SLC36A1: variants seen among roughly 807,000 people sequenced by gnomAD.
SLC36A1 encodes the protein proton-coupled amino acid transporter 1.
A neutral mutation model predicts 47.5 loss-of-function variants in SLC36A1; 30 were observed. The observed-to-expected ratio is 0.63, with a 90% CI of 0.47 to 0.86. The LOEUF is 0.86. Among genes scored for constraint, SLC36A1 ranks in the 40% least tolerant of loss-of-function variants. The pLI is 0.00. For missense variants in SLC36A1, 517 were observed against 606.0 expected, an observed-to-expected ratio of 0.85 and a Z score of 1.54; for synonymous variants, 255 against 249.7, an observed-to-expected ratio of 1.02 and a Z score of -0.20.
At chr5:151,528,967 G>A in the SLC36A1 span, among the ~76,000 whole-genome samples, 1 of 152,020 alleles carries the variant, frequency 6.6e-6, no homozygotes, top group African/African-American at 2.4e-5. Flanking sequence ...TTATCATATG[G>A]CTCTGAGACA....
the SLC36A1 span, among the ~76,000 whole-genome samples, chr5:151,372,543 A>G: frequency 6.6e-6 from 1 of 152,096 alleles, no homozygotes; most frequent in African/African-American, 2.4e-5. Context: ...TCCTGGGCTC[A>G]ACTGATCCTC....
At chr5:151,479,776 T>G (rs1758568453) in intron 10 of SLC36A1, 2 of 526,126 alleles carry the variant, frequency 3.8e-6, no homozygotes, top group East Asian at 6.0e-5. Flanking sequence ...ATGCGATTAC[T>G]ATCCCATATT....
the SLC36A1 span, among the ~76,000 whole-genome samples, chr5:151,415,127 C>T: frequency 4.6e-5 from 7 of 152,204 alleles, no homozygotes; most frequent in Non-Finnish European, 1.0e-4. Flanking sequence ...TTGACTTTGA[C>T]ACTGAATACT....
intron 1 of SLC36A1, among the ~76,000 whole-genome samples, chr5:151,451,610 G>T (rs1305063274): frequency 1.3e-5 from 2 of 152,100 alleles, no homozygotes; most frequent in Non-Finnish European, 2.9e-5. Context: ...ATTAATGAGG[G>T]TTTATTATGT....
chr5:151,433,713 C>G (rs1759603231), upstream of SLC36A1, among the ~76,000 whole-genome samples: 1 of 152,082 alleles, frequency 6.6e-6, no homozygotes. Context: ...GAGTGGAATG[C>G]AGCTACAGCT....
the SLC36A1 span, among the ~76,000 whole-genome samples, chr5:151,538,524 G>C: frequency 5.3e-5 from 8 of 152,300 alleles, no homozygotes; most frequent in East Asian, 1.4e-3. Flanking sequence ...GCATCTGAGG[G>C]AGTGGCAGAG....
chr5:151,386,594 G>A, the SLC36A1 span, among the ~76,000 whole-genome samples: 5 of 152,144 alleles, frequency 3.3e-5, no homozygotes, highest in South Asian at 1.0e-3. Context: ...CACTGCATGG[G>A]TGTCTTGGTG....
the SLC36A1 span, among the ~76,000 whole-genome samples, chr5:151,410,973 C>A: frequency 6.9e-6 from 1 of 144,582 alleles, no homozygotes. Context: ...AAGTCATTTC[C>A]AATTAAGAAC....
At chr5:151,544,828 C>T in the SLC36A1 span, 2 of 1,614,230 alleles carry the variant, frequency 1.2e-6, no homozygotes, top group Non-Finnish European at 1.7e-6. Flanking sequence ...CCCATTTGTC[C>T]CCAAGTCCTC....
At chr5:151,505,718 AC>A in the SLC36A1 span, 1 of 1,613,510 alleles carries the variant, frequency 6.2e-7, no homozygotes, top group Non-Finnish European at 8.5e-7. Flanking sequence ...TGAGGCGCAT[AC>A]CCACCCCCTT....
chr5:151,345,471 G>A, the SLC36A1 span, among the ~76,000 whole-genome samples: 10 of 152,162 alleles, frequency 6.6e-5, no homozygotes, highest in Non-Finnish European at 1.3e-4. Flanking sequence ...GGCTCAGGAA[G>A]CTTCATATTG....
At chr5:151,531,927 T>A in the SLC36A1 span, 1 of 1,614,206 alleles carries the variant, frequency 6.2e-7, no homozygotes, top group East Asian at 2.2e-5. The surrounding 1 kb of genome is among the most constrained non-coding windows in gnomAD (Gnocchi z 5.7). Context: ...AAAAGTGGCC[T>A]TCGGCTGAAT....
At chr5:151,427,955 A>G in the SLC36A1 span, among the ~76,000 whole-genome samples, 1 of 152,146 alleles carries the variant, frequency 6.6e-6, no homozygotes, top group Admixed American at 6.5e-5. Context: ...GAAGGTCAAA[A>G]TGGGTGTCCA....
chr5:151,405,566 A>T, the SLC36A1 span, among the ~76,000 whole-genome samples: 1 of 152,074 alleles, frequency 6.6e-6, no homozygotes, highest in Non-Finnish European at 1.5e-5. Context: ...CATCTCAGAC[A>T]TTTTAATCTA....
the SLC36A1 span, among the ~76,000 whole-genome samples, chr5:151,430,233 T>C: frequency 2.0e-5 from 3 of 151,476 alleles, no homozygotes; most frequent in African/African-American, 7.3e-5. Flanking sequence ...GGCATGATCT[T>C]GACTCAGTGC....
chr5:151,507,619 G>A, the SLC36A1 span: 2 of 1,470,738 alleles, frequency 1.4e-6, no homozygotes, highest in Non-Finnish European at 1.8e-6. Flanking sequence ...CACCTGCGGA[G>A]ACAGAGTAGT....
the SLC36A1 span, among the ~76,000 whole-genome samples, chr5:151,535,546 G>A: frequency 9.9e-5 from 15 of 152,128 alleles, 1 homozygote; most frequent in East Asian, 5.8e-4. Flanking sequence ...CTCATGCCTC[G>A]CCCTACACCT....
At chr5:151,529,041 C>T in the SLC36A1 span, 1 of 709,214 alleles carries the variant, frequency 1.4e-6, no homozygotes, top group South Asian at 1.8e-5. Context: ...ACATAAACCT[C>T]TGACAAGTCA....
Position 151,464,534 on chromosome 5 carries a change from G to A in SLC36A1, c.255G>A (p.Leu85=). Residue 85 remains leucine, a synonymous_variant, in exon 4 of 11, where the codon CTG becomes CTA. Coordinates refer to ENST00000243389, the MANE Select transcript of SLC36A1 (RefSeq NM_078483.4). ...CCCAGATGGGTCCCATCAGCCTGCT[G>A]ATCATAGGCATCGTGGCCGTGCACT... ...AGIVMGPISL[L]IIGIVAVHCM... 2 of 1,614,014 alleles carry A rather than the reference G, an allele frequency of 1.2e-6. No individual in the cohort carries two copies. The highest frequency in any genetic ancestry group is 8.5e-7 in the Non-Finnish European group (1 of 1,180,028).
Sources: gnomAD v4.1 joint callset for allele counts (sites outside exome capture counted in the v4.1 genomes callset) on GRCh38, gnomAD v4.1.1 for gene constraint, Gnocchi (gnomAD v3.1) non-coding constraint, MANE v1.5 for transcripts, NCBI Gene and HGNC (gene_info 2026-07-23, HGNC 2026-07-21) for gene names.